GLRA3: variants seen among roughly 807,000 people sequenced by gnomAD.
GLRA3 encodes the protein glycine receptor subunit alpha-3.
GLRA3 carries 44 observed loss-of-function variants against 60.4 expected under a neutral mutation model. The ratio of observed to expected loss-of-function variants is 0.73; its 90% CI spans 0.57 to 0.94. GLRA3 has a LOEUF of 0.94. GLRA3 is among the 40% of genes least tolerant of loss of function. GLRA3 has a pLI of 0.00. For missense variants in GLRA3, 508 were observed against 564.6 expected, an observed-to-expected ratio of 0.90 and a Z score of 1.02; for synonymous variants, 223 against 192.9, an observed-to-expected ratio of 1.16 and a Z score of -1.29.
At chr4:174,728,722 G>GA (rs3834804) in intron 3 of GLRA3, 24 bp from the exon 4 acceptor site, 17,715 of 1,186,502 alleles carry the variant, frequency 0.015, 2 homozygotes, top group East Asian at 0.025. Flanking sequence ...ATGAAAGAAA[G>GA]AAAAAAAAAA....
chr4:174,802,651 T>A (rs1325458058), intron 1 of GLRA3, among the ~76,000 whole-genome samples: 1 of 152,084 alleles, frequency 6.6e-6, no homozygotes, highest in East Asian at 1.9e-4. Flanking sequence ...TCTCAGTGAT[T>A]GGCTTTCTGT....
rs140282333 is a variant in GLRA3, at chr4:174,657,571, C to T, written c.1072-784G>A. 2.0e-5 allele frequency among the ~76,000 whole-genome samples: 3 copies of T among 152,126 alleles called. No homozygotes were observed. The East Asian group carries it at 5.8e-4, about 29-fold the overall frequency. On this transcript the variant is annotated intron_variant, in intron 8 of 9. Transcript: ENST00000274093. ...TAACGAAGAAAGACCAGAGTGTCAT[C>T]CCTGTGATACAGCATTTGTACTGTC...
intron 1 of GLRA3, among the ~76,000 whole-genome samples, chr4:174,803,157 CTCAT>C (rs1739894293): frequency 6.6e-6 from 1 of 152,046 alleles, no homozygotes; most frequent in African/African-American, 2.4e-5. Flanking sequence ...TCATCATGCA[CTCAT>C]TCATTTTGAC....
At chr4:174,690,478 G>A (rs1017742842) in intron 5 of GLRA3, among the ~76,000 whole-genome samples, 2 of 152,194 alleles carry the variant, frequency 1.3e-5, no homozygotes, top group African/African-American at 2.4e-5. Flanking sequence ...TTGTTGTGTA[G>A]TTTTTGTTTG....
At chr4:174,736,517 G>A (rs1211132136) in intron 3 of GLRA3, among the ~76,000 whole-genome samples, 11 of 151,918 alleles carry the variant, frequency 7.2e-5, no homozygotes, top group South Asian at 2.1e-4. Context: ...TCTGCTTCCC[G>A]TCCCCATAGA....
intron 5 of GLRA3, among the ~76,000 whole-genome samples, chr4:174,709,625 A>G (rs1279223978): frequency 6.6e-6 from 1 of 152,064 alleles, no homozygotes; most frequent in African/African-American, 2.4e-5. Flanking sequence ...AGAGGAATAA[A>G]CAGTATGTTG....
chr4:174,703,057 A>G (rs1419138009), intron 5 of GLRA3, among the ~76,000 whole-genome samples: 1 of 152,196 alleles, frequency 6.6e-6, no homozygotes, highest in East Asian at 1.9e-4. Flanking sequence ...TTTTCCTGAT[A>G]GCAGAACTCA....
In GLRA3 at chr4:174,639,916, T is replaced by C. The variant is rs1027334198; in HGVS notation, c.*3870A>G. 1.3e-5 allele frequency: 2 copies of C among 152,130 alleles called. No individual in the cohort carries two copies. Among genetic ancestry groups the C allele is most frequent in the African/African-American group, 2.4e-5 (1 of 41,440 alleles). 9.4% of individuals were successfully genotyped at this position (152,130 alleles called of 1,614,324 possible). On this transcript the variant is annotated 3_prime_UTR_variant, in exon 10 of 10. Coordinates refer to ENST00000274093, the MANE Select transcript of GLRA3 (RefSeq NM_006529.4). ...CATCTGCTGAGGAAGATGTCTCTTA[T>C]ACAGGTACAAGATGCAATGGGTATT...
chr4:174,688,315 C>CTAT (rs1734627337), intron 5 of GLRA3, among the ~76,000 whole-genome samples: 1 of 80,964 alleles, frequency 1.2e-5, no homozygotes. Flanking sequence ...CCTTACCTGA[C>CTAT]ATCATATATA....
chr4:174,794,321 A>T (rs1739475718), intron 1 of GLRA3, among the ~76,000 whole-genome samples: 1 of 152,178 alleles, frequency 6.6e-6, no homozygotes, highest in African/African-American at 2.4e-5. Context: ...TATTACTCCA[A>T]ATACAAGTAG....
intron 3 of GLRA3, among the ~76,000 whole-genome samples, chr4:174,762,210 T>C (rs1316085948): frequency 6.6e-6 from 1 of 152,178 alleles, no homozygotes; most frequent in African/African-American, 2.4e-5. Flanking sequence ...TAATGGACTT[T>C]TAATGTCATC....
chr4:174,718,959 C>CTTTTTTTTTT (rs10656765), intron 4 of GLRA3, among the ~76,000 whole-genome samples: 3 of 81,064 alleles, frequency 3.7e-5, no homozygotes, highest in Non-Finnish European at 4.4e-5. Flanking sequence ...AGATTTCGTG[C>CTTTTTTTTTT]TTTTTTTTTT....
chr4:174,678,650 C>T (rs1044969858), intron 6 of GLRA3, among the ~76,000 whole-genome samples: 2 of 152,116 alleles, frequency 1.3e-5, no homozygotes, highest in African/African-American at 2.4e-5. Flanking sequence ...GTCCAGAAAA[C>T]GTGGATTCCA....
intron 9 of GLRA3, among the ~76,000 whole-genome samples, chr4:174,649,460 G>A (rs1436037029): frequency 3.9e-5 from 6 of 152,152 alleles, no homozygotes; most frequent in Non-Finnish European, 8.8e-5. Context: ...CCTAGTCCTG[G>A]GCAAGTCATT....
intron 7 of GLRA3, among the ~76,000 whole-genome samples, chr4:174,668,082 C>T (rs952209786): frequency 6.6e-5 from 10 of 152,108 alleles, no homozygotes; most frequent in Non-Finnish European, 1.3e-4. Flanking sequence ...CCCTTTCAAT[C>T]TTCTTCCTCC....
At chr4:174,649,023 C>T (rs1732937573) in intron 9 of GLRA3, among the ~76,000 whole-genome samples, 1 of 152,062 alleles carries the variant, frequency 6.6e-6, no homozygotes, top group African/African-American at 2.4e-5. Flanking sequence ...GGAATGGAAA[C>T]AAAAGGCACT....
chr4:174,725,442 T>A (rs571337854), intron 4 of GLRA3, among the ~76,000 whole-genome samples: 1 of 152,332 alleles, frequency 6.6e-6, no homozygotes, highest in East Asian at 1.9e-4. Flanking sequence ...TGAAGCAAAT[T>A]TATCATGGCT....
chr4:174,690,851 T>A (rs900291653), intron 5 of GLRA3, among the ~76,000 whole-genome samples: 12 of 152,264 alleles, frequency 7.9e-5, no homozygotes, highest in African/African-American at 2.4e-4. Context: ...TGTTCTTTTT[T>A]ATGGCTGCAT....
At chr4:174,797,031 G>A (rs1056029277) in intron 1 of GLRA3, among the ~76,000 whole-genome samples, 2 of 152,158 alleles carry the variant, frequency 1.3e-5, no homozygotes, top group African/African-American at 2.4e-5. Context: ...TACATAGTAT[G>A]AGGCTCCATA....
Sources: gnomAD v4.1 joint callset for allele counts (sites outside exome capture counted in the v4.1 genomes callset) on GRCh38, gnomAD v4.1.1 for gene constraint, MANE v1.5 for transcripts, NCBI Gene and HGNC (gene_info 2026-07-23, HGNC 2026-07-21) for gene names.